Variants in FAM174B observed in about 807,000 individuals in gnomAD.
The protein encoded by FAM174B is family with sequence similarity 174 member B.
A neutral mutation model predicts 10.9 loss-of-function variants in FAM174B; 12 were observed. The observed-to-expected ratio is 1.10, with a 90% CI of 0.71 to 1.79. The LOEUF is 1.79. FAM174B is among the 40% of genes most tolerant of loss of function. The probability of loss-of-function intolerance (pLI) is 0.00; values close to 1 mark genes in which losing one functional copy is unlikely to be tolerated. For synonymous variants in FAM174B, 132 were observed against 115.8 expected, an observed-to-expected ratio of 1.14 and a Z score of -0.90; for missense variants, 266 against 233.3, an observed-to-expected ratio of 1.14 and a Z score of -0.91.
At chr15:92,631,162 A>ACG (rs1298565855) in intron 1 of FAM174B, among the ~76,000 whole-genome samples, 1,243 of 22,486 alleles carry the variant, frequency 0.055, 485 homozygotes, top group Non-Finnish European at 0.11. Flanking sequence ...ATTATATATT[A>ACG]TATAATAATT....
chr15:92,653,480 C>T (rs574118551), intron 1 of FAM174B, among the ~76,000 whole-genome samples: 1 of 152,256 alleles, frequency 6.6e-6, no homozygotes, highest in African/African-American at 2.4e-5. Context: ...TTAACCTTCA[C>T]TCCAACTGAA....
At position 92,618,988 on chromosome 15, in the gene FAM174B, A is replaced by T; in HGVS notation, c.*468T>A. On this transcript the variant is annotated 3_prime_UTR_variant, in exon 3 of 3. Transcript: ENST00000327355. ...GACCTGACCAAGCCAAAAAAGCAGC[A>T]AAGGATCAGATGGGGTCCAATGTGT... The T allele has an allele frequency of 1.7e-6, 1 of 592,748 alleles. No individual in the cohort carries two copies. The highest frequency in any genetic ancestry group is 3.0e-6 in the Non-Finnish European group (1 of 334,326). 36.7% of individuals were successfully genotyped at this position (592,748 alleles called of 1,614,324 possible). A position where few individuals can be genotyped will look rare whatever the true frequency, so the allele number is the denominator to read the frequency against.
chr15:92,629,728 C>G (rs1443589120), intron 2 of FAM174B, among the ~76,000 whole-genome samples: 1 of 152,138 alleles, frequency 6.6e-6, no homozygotes, highest in African/African-American at 2.4e-5. Context: ...TGTCTCCACC[C>G]AAATCTCATA....
intron 1 of FAM174B, among the ~76,000 whole-genome samples, chr15:92,631,430 A>ATG (rs2050815653): frequency 4.6e-5 from 2 of 43,426 alleles, no homozygotes; most frequent in African/African-American, 2.2e-4. Flanking sequence ...AATATATAAT[A>ATG]TAATATATTA....
intron 2 of FAM174B, among the ~76,000 whole-genome samples, chr15:92,623,902 T>C (rs774658976): frequency 1.3e-5 from 2 of 152,264 alleles, no homozygotes; most frequent in Non-Finnish European, 2.9e-5. Flanking sequence ...GCAAAAGCAT[T>C]GATACTTAGG....
intron 1 of FAM174B, among the ~76,000 whole-genome samples, chr15:92,647,822 T>C (rs574433985): frequency 2.3e-4 from 35 of 152,286 alleles, no homozygotes; most frequent in Admixed American, 2.2e-3. Context: ...AGCTAGGCCT[T>C]TGGTGGATCT....
chr15:92,641,571 T>C (rs558809853), intron 1 of FAM174B, among the ~76,000 whole-genome samples: 3 of 152,266 alleles, frequency 2.0e-5, no homozygotes, highest in East Asian at 1.9e-4. Flanking sequence ...GTGTAAGAGA[T>C]AGAAAAGATA....
chr15:92,627,896 A>T (rs1282501880), intron 2 of FAM174B, among the ~76,000 whole-genome samples: 38 of 152,342 alleles, frequency 2.5e-4, no homozygotes, highest in Admixed American at 2.2e-3. Context: ...TAGCGATAAA[A>T]TCAATACAAT....
At chr15:92,639,391 G>A (rs1014012038) in intron 1 of FAM174B, 1 of 152,248 alleles carries the variant, frequency 6.6e-6, no homozygotes. Flanking sequence ...TCAGTGAAAT[G>A]CAGTAAGATA....
intron 1 of FAM174B, among the ~76,000 whole-genome samples, chr15:92,640,651 G>A (rs1398672332): frequency 6.7e-6 from 1 of 149,458 alleles, no homozygotes; most frequent in South Asian, 2.1e-4. Flanking sequence ...TTGTTTTTTG[G>A]TTTTTGTTTT....
chr15:92,630,484 T>C (rs1370804414), intron 1 of FAM174B, 139 bp from the exon 2 acceptor site: 2 of 818,470 alleles, frequency 2.4e-6, no homozygotes, highest in East Asian at 2.8e-5. Context: ...AGTGTGAGGA[T>C]CTGATGGAAG....
intron 2 of FAM174B, among the ~76,000 whole-genome samples, chr15:92,625,260 G>C (rs538775856): frequency 6.6e-6 from 1 of 150,834 alleles, no homozygotes; most frequent in South Asian, 2.2e-4. Context: ...AGAAAAAAAA[G>C]CCTGTCTGAT....
chr15:92,622,748 G>A (rs192352971), intron 2 of FAM174B, among the ~76,000 whole-genome samples: 18 of 152,334 alleles, frequency 1.2e-4, no homozygotes, highest in African/African-American at 4.3e-4. Flanking sequence ...GGCTCACTTC[G>A]TGGTCCTCTC....
At chr15:92,646,094 C>T (rs113380167) in intron 1 of FAM174B, among the ~76,000 whole-genome samples, 2 of 152,106 alleles carry the variant, frequency 1.3e-5, no homozygotes, top group African/African-American at 2.4e-5. Context: ...TTCAGGCCTC[C>T]AGTCCTCCCA....
In FAM174B at chr15:92,627,068, C is replaced by CA. The variant is rs747858422; in HGVS notation, c.476+3145dup. Reference sequence around the variant, plus strand: ...CTCCATCTCAAAAAAAACAAAAAAACAAAAAAAAAACCACCAAGTGTTGAA... The same window carrying CA: ...CTCCATCTCAAAAAAAACAAAAAAACAAAAAAAAAAACCACCAAGTGTTGAA... On this transcript the variant is annotated intron_variant, in intron 2 of 2. Transcript: ENST00000327355. The CA allele has an allele frequency of 6.8e-3, 994 of 146,944 alleles. 10 individuals are homozygous for CA. The highest frequency in any genetic ancestry group is 0.017 in the Middle Eastern group (5 of 288). 9.1% of individuals were successfully genotyped at this position (146,944 alleles called of 1,614,324 possible).
intron 2 of FAM174B, chr15:92,627,168 G>C (rs1272112224): frequency 6.6e-6 from 1 of 152,594 alleles, no homozygotes; most frequent in Non-Finnish European, 1.5e-5. Flanking sequence ...ATGACCCAGA[G>C]CGTGCCCGGA....
Position 92,617,448 on chromosome 15 carries a change from T to G in FAM174B, c.*2008A>C. On this transcript the variant is annotated 3_prime_UTR_variant, in exon 3 of 3. Coordinates refer to ENST00000327355, the MANE Select transcript of FAM174B (RefSeq NM_207446.3). ...ACATCCAAGCCCAAGGTACTCATGG[T>G]TTGTGTGTAAAGGGTTTTTATTGGA... is the stretch of plus-strand genomic sequence containing the variant. 4.5e-6 allele frequency: 2 copies of G among 442,690 alleles called. No homozygotes were observed. Among genetic ancestry groups the G allele is most frequent in the East Asian group, 3.8e-5 (1 of 26,166 alleles). 27.4% of individuals were successfully genotyped at this position (442,690 alleles called of 1,614,324 possible). A position where few individuals can be genotyped will look rare whatever the true frequency, so the allele number is the denominator to read the frequency against.
intron 1 of FAM174B, 104 bp from the exon 2 acceptor site, chr15:92,630,449 G>T: frequency 9.0e-7 from 1 of 1,107,612 alleles, no homozygotes. Flanking sequence ...CTGGTGTTTA[G>T]TCAGGTTTCC....
intron 2 of FAM174B, among the ~76,000 whole-genome samples, chr15:92,623,932 T>C (rs1567042543): frequency 6.6e-6 from 1 of 152,218 alleles, no homozygotes; most frequent in Non-Finnish European, 1.5e-5. Context: ...GTTGTTCATC[T>C]TTCCTTCCTT....
Sources: gnomAD v4.1 joint callset for allele counts (sites outside exome capture counted in the v4.1 genomes callset) on GRCh38, gnomAD v4.1.1 for gene constraint, MANE v1.5 for transcripts, NCBI Gene and HGNC (gene_info 2026-07-23, HGNC 2026-07-21) for gene names.